Variants in CDYL2 observed in about 807,000 individuals in gnomAD.
The protein encoded by CDYL2 is chromodomain Y-like protein 2.
Under a neutral mutation model 49.4 loss-of-function variants are expected in CDYL2, and 23 were observed. The observed-to-expected ratio is 0.47, with a 90% CI of 0.34 to 0.66. CDYL2 has a LOEUF of 0.66. Among genes scored for constraint, CDYL2 ranks in the 30% least tolerant of loss-of-function variants. The probability of loss-of-function intolerance (pLI) is 0.01; values close to 1 mark genes in which losing one functional copy is unlikely to be tolerated. For missense variants in CDYL2, 678 were observed against 656.4 expected, an observed-to-expected ratio of 1.03 and a Z score of -0.36; for synonymous variants, 360 against 268.8, an observed-to-expected ratio of 1.34 and a Z score of -3.32.
Position 80,729,019 on chromosome 16 carries a change from G to A in CDYL2, c.25-43890C>T, listed in dbSNP as rs555844750. Among the ~76,000 whole-genome samples the A allele has an allele frequency of 2.6e-3, 402 of 151,960 alleles. 3 individuals are homozygous for A. The highest frequency in any genetic ancestry group is 9.3e-3 in the African/African-American group (387 of 41,426). On this transcript the variant is annotated intron_variant, in intron 1 of 6. Transcript: ENST00000570137. ...ATCATGCCAAAATGTAAAGACCATC[G>A]AGACTAGGAAGAAACTGCATCAACT...
intron 2 of CDYL2, among the ~76,000 whole-genome samples, chr16:80,667,326 T>A (rs1909308470): frequency 1.3e-5 from 2 of 152,198 alleles, no homozygotes; most frequent in Non-Finnish European, 2.9e-5. Context: ...GCTGGACTGC[T>A]GTATTCTTTG....
rs139275206 is a variant in CDYL2 at position 80,633,457 on chromosome 16, G to T, written c.617-221C>A. Reference sequence around the variant, plus strand: ...GAAGGGGACCTAGAGGGCTCTTTGTGAAGGCCCTGTGCGGTCCTCTACTCT... The same window carrying T: ...GAAGGGGACCTAGAGGGCTCTTTGTTAAGGCCCTGTGCGGTCCTCTACTCT... On this transcript the variant is annotated intron_variant, in intron 2 of 6. Coordinates refer to ENST00000570137, the MANE Select transcript of CDYL2 (RefSeq NM_152342.4). 3.7e-3 allele frequency among the ~76,000 whole-genome samples: 561 copies of T among 152,294 alleles called. 4 individuals carry two copies. The highest frequency in any genetic ancestry group is 0.013 in the African/African-American group (542 of 41,570).
intron 2 of CDYL2, among the ~76,000 whole-genome samples, chr16:80,682,908 G>A (rs1468759750): frequency 6.6e-6 from 1 of 152,182 alleles, no homozygotes; most frequent in Non-Finnish European, 1.5e-5. Context: ...ATCCCGAGAC[G>A]GAAACGTGAG....
At chr16:80,643,916 C>T (rs1451614888) in intron 2 of CDYL2, among the ~76,000 whole-genome samples, 2 of 152,242 alleles carry the variant, frequency 1.3e-5, no homozygotes, top group African/African-American at 4.8e-5. Flanking sequence ...TGGGGATTAA[C>T]ATTCAGCTCC....
intron 1 of CDYL2, among the ~76,000 whole-genome samples, chr16:80,698,682 C>A (rs1306175225): frequency 6.6e-6 from 1 of 152,030 alleles, no homozygotes; most frequent in African/African-American, 2.4e-5. Context: ...AAGTATGTAG[C>A]ATCTCTCCTC....
intron 1 of CDYL2, among the ~76,000 whole-genome samples, chr16:80,738,032 C>T (rs1032463228): frequency 2.6e-5 from 4 of 151,988 alleles, no homozygotes; most frequent in Admixed American, 1.3e-4. Flanking sequence ...CCCAGCCCCC[C>T]GACAGGCCCC....
intron 1 of CDYL2, among the ~76,000 whole-genome samples, chr16:80,769,510 G>C (rs1473029177): frequency 6.6e-6 from 1 of 152,206 alleles, no homozygotes; most frequent in Non-Finnish European, 1.5e-5. Flanking sequence ...CGACAGCCAA[G>C]TGGGTTAGAG....
At chr16:80,618,128 A>C (rs923634024) in intron 4 of CDYL2, among the ~76,000 whole-genome samples, 5 of 152,216 alleles carry the variant, frequency 3.3e-5, no homozygotes, top group Admixed American at 3.3e-4. Context: ...AGCATCGAGA[A>C]GAATTCCTCC....
intron 2 of CDYL2, among the ~76,000 whole-genome samples, chr16:80,674,770 T>A (rs1909673754): frequency 6.6e-6 from 1 of 152,282 alleles, no homozygotes; most frequent in South Asian, 2.1e-4. Flanking sequence ...TTGCTCTTTA[T>A]GACTGAATAA....
chr16:80,647,650 A>G (rs1445328518), intron 2 of CDYL2, among the ~76,000 whole-genome samples: 1 of 152,188 alleles, frequency 6.6e-6, no homozygotes, highest in Non-Finnish European at 1.5e-5. Context: ...GAAAATCAAC[A>G]AAGAAATATT....
intron 1 of CDYL2, among the ~76,000 whole-genome samples, chr16:80,706,666 T>C (rs1430288763): frequency 2.6e-5 from 4 of 152,114 alleles, no homozygotes; most frequent in Non-Finnish European, 5.9e-5. Flanking sequence ...GTGCCAGAAA[T>C]GCTCCACAAG....
chr16:80,722,860 A>G (rs985788618), intron 1 of CDYL2, among the ~76,000 whole-genome samples: 2 of 152,234 alleles, frequency 1.3e-5, no homozygotes, highest in African/African-American at 4.8e-5. Flanking sequence ...AGCTTCCAAC[A>G]TACAAAGGGT....
At chr16:80,800,637 C>T (rs536583339) in intron 1 of CDYL2, among the ~76,000 whole-genome samples, 10 of 152,082 alleles carry the variant, frequency 6.6e-5, no homozygotes, top group East Asian at 1.9e-4. Context: ...CCCCTACACA[C>T]GGTTTTACCA....
At chr16:80,659,835 T>G (rs1908969275) in intron 2 of CDYL2, among the ~76,000 whole-genome samples, 1 of 152,090 alleles carries the variant, frequency 6.6e-6, no homozygotes, top group East Asian at 1.9e-4. Flanking sequence ...GAACTTTTTG[T>G]AGAACTCAAA....
chr16:80,724,476 G>A (rs952792534), intron 1 of CDYL2, among the ~76,000 whole-genome samples: 1 of 152,080 alleles, frequency 6.6e-6, no homozygotes, highest in Non-Finnish European at 1.5e-5. Flanking sequence ...TCTACTCCCT[G>A]CAGCATGAAG....
At chr16:80,777,725 C>A (rs1907134780) in intron 1 of CDYL2, among the ~76,000 whole-genome samples, 1 of 151,928 alleles carries the variant, frequency 6.6e-6, no homozygotes, top group African/African-American at 2.4e-5. Context: ...AATACAGACA[C>A]ACAAAGTATC....
chr16:80,659,050 GTGATGGA>G (rs1478605602), intron 2 of CDYL2, among the ~76,000 whole-genome samples: 1 of 109,170 alleles, frequency 9.2e-6, no homozygotes, highest in Non-Finnish European at 1.8e-5. Flanking sequence ...CACGATAGAG[GTGATGGA>G]TGGATGGATG....
chr16:80,734,303 T>A (rs1294311270), intron 1 of CDYL2, among the ~76,000 whole-genome samples: 1 of 152,182 alleles, frequency 6.6e-6, no homozygotes, highest in Non-Finnish European at 1.5e-5. Flanking sequence ...CCACGCTACA[T>A]GGAGTAGGAC....
chr16:80,648,914 G>A (rs1216693670), intron 2 of CDYL2, among the ~76,000 whole-genome samples: 1 of 152,022 alleles, frequency 6.6e-6, no homozygotes, highest in African/African-American at 2.4e-5. Context: ...ATTTCAATTG[G>A]TGCTGAGAAC....
Sources: allele counts gnomAD v4.1 joint callset (sites outside exome capture counted in the v4.1 genomes callset), GRCh38; gene constraint gnomAD v4.1.1; transcripts MANE v1.5; gene names NCBI Gene and HGNC (gene_info 2026-07-23, HGNC 2026-07-21).